Variants in STRA6 observed in about 807,000 individuals in gnomAD.
The protein encoded by STRA6 is signaling receptor and transporter of retinol STRA6.
In STRA6, 48 loss-of-function variants were observed where a neutral mutation model predicts 83.6. The observed-to-expected ratio is 0.57, with a 90% confidence interval of 0.46 to 0.73. STRA6 has a LOEUF of 0.73. Ranked by LOEUF, STRA6 falls within the 30% of genes least tolerant of loss-of-function variation. STRA6 has a pLI of 0.00. For synonymous variants in STRA6, 353 were observed against 362.3 expected (o/e 0.97, Z 0.29); for missense variants, 760 against 838.8 (o/e 0.91, Z 1.16).
At position 74,191,369 on chromosome 15, in the gene STRA6, C is replaced by T. The variant is rs1262221892; in HGVS notation, c.788+55G>A. ...CTGCCCAGTGCCAGCTTCCCAAGCA[C>T]GGCTGCTAACCAGCCCAATCCATTG... is the stretch of plus-strand genomic sequence containing the variant. On this transcript the variant is annotated intron_variant, in intron 9 of 18. Transcript: ENST00000395105. 1.3e-5 allele frequency: 21 copies of T among 1,605,134 alleles called. No individual in the cohort carries two copies. The African/African-American group carries it at 1.5e-4, about 11-fold the overall frequency.
At chr15:74,210,537 A>G (rs1327086161), upstream of STRA6, among the ~76,000 whole-genome samples, 2 of 152,240 alleles carry the variant, frequency 1.3e-5, no homozygotes, top group Non-Finnish European at 2.9e-5. Context: ...ACACACAGCA[A>G]ACTGTTCACA....
intron 13 of STRA6, among the ~76,000 whole-genome samples, chr15:74,184,744 T>G (rs1012296061): frequency 2.0e-5 from 3 of 152,186 alleles, no homozygotes; most frequent in African/African-American, 7.2e-5. Context: ...CCTGAGTTGG[T>G]GGTGCCCTAT....
Position 74,189,271 on chromosome 15 carries a change from G to A in STRA6, c.934C>T (p.Leu312=). 1 of 1,595,078 alleles carries A rather than the reference G, an allele frequency of 6.3e-7. No homozygotes were observed. Among genetic ancestry groups the A allele is most frequent in the Non-Finnish European group, 8.5e-7 (1 of 1,170,842 alleles). ...LTGTAIYQVA[L]LLLVGVVPTI... ...GGTACCACGCCCACCAGCAGCAGCAGGGCCACCTGGAAGAGCCCCACAGTG... is the reference window on the plus strand; with the variant it reads ...GGTACCACGCCCACCAGCAGCAGCAAGGCCACCTGGAAGAGCCCCACAGTG... Residue 312 remains leucine, a synonymous_variant, in exon 12 of 19, where the codon CTG becomes TTG. Coordinates refer to ENST00000395105, the MANE Select transcript of STRA6 (RefSeq NM_022369.4).
At chr15:74,207,878 G>A (rs1346446379) in intron 1 of STRA6, 2 of 1,509,194 alleles carry the variant, frequency 1.3e-6, no homozygotes, top group African/African-American at 2.8e-5. Context: ...CCACACAGTG[G>A]GCTGGAAGGC....
At chr15:74,182,309 A>G in intron 15 of STRA6, 34 bp downstream of exon 15, 1 of 1,613,876 alleles carries the variant, frequency 6.2e-7, no homozygotes, top group African/African-American at 1.3e-5. Context: ...ACCTCTAAGG[A>G]GTCCCTGAGC....
At chr15:74,194,818 T>A (rs2073732086) in intron 7 of STRA6, 1 of 1,310,268 alleles carries the variant, frequency 7.6e-7, no homozygotes, top group South Asian at 2.9e-5. Flanking sequence ...CCATCACTCT[T>A]TGAGTTCTAG....
intron 2 of STRA6, among the ~76,000 whole-genome samples, chr15:74,199,121 G>A (rs75966705): frequency 9.8e-4 from 149 of 152,314 alleles, no homozygotes; most frequent in African/African-American, 3.5e-3. Flanking sequence ...CTGGGCTGCC[G>A]CCAGTCCCTG....
At chr15:74,198,970 C>G (rs1393835663) in intron 2 of STRA6, among the ~76,000 whole-genome samples, 1 of 152,146 alleles carries the variant, frequency 6.6e-6, no homozygotes, top group African/African-American at 2.4e-5. Flanking sequence ...TGGCCCTGGC[C>G]CTGGGAGAGT....
At chr15:74,193,114 G>A (rs537601834) in intron 8 of STRA6, among the ~76,000 whole-genome samples, 2 of 151,994 alleles carry the variant, frequency 1.3e-5, no homozygotes, top group African/African-American at 2.4e-5. Flanking sequence ...TCTTTCCTTC[G>A]ATCCATCCAT....
In STRA6 at chr15:74,185,021, T is replaced by C. The variant is rs545036847; in HGVS notation, c.1125A>G (p.Leu375=). ...AGCGCATCAGGACCAGGAAGGTGAG[T>C]AAGCAGGACAAGACCAAGGCTGAGA... The part of the protein sequence containing the change: ...CYISALVLSC[L]LTFLVLMRSL... The change falls in exon 13 of 19, where the codon TTA becomes TTG. Residue 375 remains leucine (L), a synonymous_variant. Transcript: ENST00000395105. 9.9e-6 allele frequency: 16 copies of C among 1,613,922 alleles called. No individual in the cohort carries two copies. Among genetic ancestry groups the C allele is most frequent in the Admixed American group, 3.3e-5 (2 of 60,000 alleles).
upstream of STRA6, chr15:74,209,115 G>A (rs562692329): frequency 3.1e-5 from 41 of 1,309,192 alleles, no homozygotes; most frequent in East Asian, 6.3e-4. Context: ...CCTTGATTCC[G>A]GGATCAGAGG....
chr15:74,190,425 G>T lies in STRA6; in HGVS notation c.927+415C>A, dbSNP rs568862143. On this transcript the variant is annotated intron_variant, in intron 11 of 18. Transcript: ENST00000395105. The stretch of plus-strand genomic sequence containing the variant: ...AATTGTTGTTGTTGGTTTTTTCGGG[G>T]TTTTTTTTTTTTCGGAGGTGGTGAG... 8.5e-3 allele frequency among the ~76,000 whole-genome samples: 1,218 copies of T among 143,326 alleles called. 7 individuals carry two copies. Among genetic ancestry groups the T allele is most frequent in the Middle Eastern group, 0.026 (7 of 274 alleles). 94.0% of individuals were successfully genotyped at this position (143,326 alleles called of 152,430 possible). A position where few individuals can be genotyped will look rare whatever the true frequency, so the allele number is the denominator to read the frequency against.
chr15:74,186,493 A>G (rs1440401918), intron 12 of STRA6, among the ~76,000 whole-genome samples: 1 of 152,220 alleles, frequency 6.6e-6, no homozygotes, highest in African/African-American at 2.4e-5. Flanking sequence ...CTGTAATCCC[A>G]GCTACTCGGG....
intron 13 of STRA6, among the ~76,000 whole-genome samples, chr15:74,184,264 A>G (rs146450563): frequency 1.3e-5 from 2 of 152,358 alleles, no homozygotes; most frequent in East Asian, 3.9e-4. Flanking sequence ...AACAGTGAGA[A>G]TGGAAGTGAC....
intron 18 of STRA6, 50 bp from the exon 19 acceptor site, chr15:74,180,293 C>T: frequency 6.2e-7 from 1 of 1,610,452 alleles, no homozygotes; most frequent in South Asian, 1.1e-5. Flanking sequence ...CCCAGCCAAC[C>T]CTCCCTGGCC....
chr15:74,188,571 G>C lies in STRA6; in HGVS notation c.1090+544C>G, dbSNP rs1176823712. 1.3e-5 allele frequency among the ~76,000 whole-genome samples: 2 copies of C among 152,230 alleles called. No individual in the cohort carries two copies. The highest frequency in any genetic ancestry group is 2.9e-5 in the Non-Finnish European group (2 of 68,044). On this transcript the variant is annotated intron_variant, in intron 12 of 18. Coordinates refer to ENST00000395105, the MANE Select transcript of STRA6 (RefSeq NM_022369.4). The surrounding 1 kb of genome is among the most constrained non-coding windows in gnomAD (Gnocchi z 4.5). ...CTGTTGGGAGCGCCCAGGAGGCAGA[G>C]TAAGTAGGTGGCTGCAGGAGGCATC... is the stretch of plus-strand genomic sequence containing the variant.
chr15:74,210,569 G>A (rs1306160159), upstream of STRA6, among the ~76,000 whole-genome samples: 1 of 152,220 alleles, frequency 6.6e-6, no homozygotes, highest in African/African-American at 2.4e-5. Context: ...TGGGGGAGGG[G>A]TGAATTTTGG....
intron 2 of STRA6, 68 bp from the exon 3 acceptor site, chr15:74,197,886 G>A: frequency 2.0e-6 from 3 of 1,503,080 alleles, no homozygotes; most frequent in Non-Finnish European, 2.7e-6. Context: ...TGGGTCTGGG[G>A]TTCAAGACTG....
At chr15:74,197,462 G>A in intron 3 of STRA6, 39 bp from the exon 4 acceptor site, 1 of 1,503,310 alleles carries the variant, frequency 6.7e-7, no homozygotes, top group Non-Finnish European at 9.1e-7. Flanking sequence ...GGGTGCCCAG[G>A]CCTCCCCTGA....
Sources: gnomAD v4.1 joint callset for allele counts (sites outside exome capture counted in the v4.1 genomes callset) on GRCh38, gnomAD v4.1.1 for gene constraint, Gnocchi (gnomAD v3.1) non-coding constraint, MANE v1.5 for transcripts, NCBI Gene and HGNC (gene_info 2026-07-23, HGNC 2026-07-21) for gene names.